The following HOMER2 variants were observed in gnomAD, a reference collection of about 807,000 sequenced individuals.
HOMER2 encodes homer scaffold protein 2, also known as homer protein homolog 2.
Under a neutral mutation model 47.0 loss-of-function variants are expected in HOMER2, and 27 were observed. The ratio of observed to expected loss-of-function variants is 0.57; its 90% CI spans 0.42 to 0.79. The LOEUF is 0.79. HOMER2 is among the 30% of genes least tolerant of loss of function. The pLI is 0.00. For synonymous variants in HOMER2, 161 were observed against 163.8 expected, an observed-to-expected ratio of 0.98 and a Z score of 0.13; for missense variants, 443 against 435.0, an observed-to-expected ratio of 1.02 and a Z score of -0.16.
exon 2 of HOMER2, chr15:82,839,882 G>A (rs2051158877): frequency 6.6e-6 from 1 of 152,072 alleles, no homozygotes; most frequent in Non-Finnish European, 1.5e-5. Context: ...CTAAAAATCA[G>A]GTCTCAAGAA....
At chr15:82,862,067 TCTC>T (rs1465299331) in intron 4 of HOMER2, among the ~76,000 whole-genome samples, 1 of 127,260 alleles carries the variant, frequency 7.9e-6, no homozygotes, top group Non-Finnish European at 1.7e-5. Flanking sequence ...AGTCTTTCTC[TCTC>T]TTTTTTTTTT....
intron 1 of HOMER2, among the ~76,000 whole-genome samples, chr15:82,898,913 A>C (rs1784586218): frequency 1.3e-5 from 2 of 152,240 alleles, no homozygotes; most frequent in South Asian, 4.1e-4. Flanking sequence ...CAAACCCTTC[A>C]GACATTATTT....
chr15:82,975,051 CAG>C (rs1352202033), intron 1 of HOMER2, among the ~76,000 whole-genome samples: 4 of 152,240 alleles, frequency 2.6e-5, no homozygotes, highest in Admixed American at 2.6e-4. Context: ...GCCTGGGCAA[CAG>C]AGAGACTGTC....
At chr15:82,979,605 T>C (rs1390643604) in intron 1 of HOMER2, among the ~76,000 whole-genome samples, 1 of 151,806 alleles carries the variant, frequency 6.6e-6, no homozygotes, top group African/African-American at 2.4e-5. Flanking sequence ...GAGGGTGACA[T>C]GAAGGAATGA....
chr15:82,925,571 C>A (rs1344040033), intron 1 of HOMER2, among the ~76,000 whole-genome samples: 4 of 152,158 alleles, frequency 2.6e-5, no homozygotes, highest in African/African-American at 9.7e-5. Context: ...CCACATTCAG[C>A]CCCCAGAACT....
intron 1 of HOMER2, among the ~76,000 whole-genome samples, chr15:82,940,755 T>C (rs373549257): frequency 2.0e-5 from 3 of 151,638 alleles, no homozygotes; most frequent in African/African-American, 4.8e-5. Flanking sequence ...TAGCTGTGTA[T>C]GGTGGCATGT....
chr15:82,928,135 C>G (rs2053902712), intron 1 of HOMER2, among the ~76,000 whole-genome samples: 1 of 152,178 alleles, frequency 6.6e-6, no homozygotes, highest in Admixed American at 6.6e-5. Context: ...CACTGCTGGC[C>G]TAAAGACCAG....
At chr15:82,861,124 G>A (rs1403324619) in intron 4 of HOMER2, among the ~76,000 whole-genome samples, 1 of 152,246 alleles carries the variant, frequency 6.6e-6, no homozygotes, top group African/African-American at 2.4e-5. Flanking sequence ...CACTGCAGGT[G>A]GGAGTTAGAA....
intron 1 of HOMER2, among the ~76,000 whole-genome samples, chr15:82,931,754 C>G (rs1027652998): frequency 2.0e-5 from 3 of 152,172 alleles, no homozygotes; most frequent in Admixed American, 2.0e-4. Context: ...AGGAGAATCG[C>G]TTGAACCCAA....
chr15:82,927,319 A>T (rs1412659213), intron 1 of HOMER2, among the ~76,000 whole-genome samples: 1 of 151,970 alleles, frequency 6.6e-6, no homozygotes, highest in Non-Finnish European at 1.5e-5. Context: ...TGTCTGGTTC[A>T]TGGATATCAT....
At chr15:82,984,959 G>GT (rs1296600150) in intron 1 of HOMER2, among the ~76,000 whole-genome samples, 1 of 152,174 alleles carries the variant, frequency 6.6e-6, no homozygotes, top group Non-Finnish European at 1.5e-5. Flanking sequence ...TTAGAAAGTG[G>GT]TAATAACTAA....
intron 1 of HOMER2, among the ~76,000 whole-genome samples, chr15:82,940,503 G>C (rs1006326702): frequency 6.6e-6 from 1 of 152,186 alleles, no homozygotes; most frequent in Non-Finnish European, 1.5e-5. Flanking sequence ...CAGCACTTTG[G>C]GAGGCCAAGG....
chr15:82,843,365 AC>A (rs1285752680), exon 2 of HOMER2: 1 of 138,432 alleles, frequency 7.2e-6, no homozygotes, highest in Non-Finnish European at 1.5e-5. Flanking sequence ...AATCGCTTGA[AC>A]CCGGGAGGCG....
exon 2 of HOMER2, chr15:82,841,685 T>C (rs1412194982): frequency 6.6e-6 from 1 of 152,268 alleles, no homozygotes; most frequent in East Asian, 1.9e-4. Flanking sequence ...CCCAGAACTA[T>C]TACCCAACTG....
At chr15:82,845,645 GAACA>G (rs2051233586), downstream of HOMER2, 1 of 152,264 alleles carries the variant, frequency 6.6e-6, no homozygotes, top group South Asian at 2.1e-4. Context: ...AGGATGAATG[GAACA>G]AACAATCCAC....
At chr15:82,846,678 C>G (rs552812566), downstream of HOMER2, 4 of 152,296 alleles carry the variant, frequency 2.6e-5, no homozygotes, top group Non-Finnish European at 5.9e-5. Flanking sequence ...GCCCTGTTCT[C>G]TCACCCAATT....
chr15:82,912,006 G>C (rs776393246), intron 1 of HOMER2, among the ~76,000 whole-genome samples: 2 of 151,986 alleles, frequency 1.3e-5, no homozygotes, highest in Admixed American at 6.5e-5. Context: ...CTCCAGCCTG[G>C]GCAACAGAGT....
intron 1 of HOMER2, among the ~76,000 whole-genome samples, chr15:82,934,964 T>G (rs1258993377): frequency 1.3e-5 from 2 of 152,134 alleles, no homozygotes; most frequent in Non-Finnish European, 2.9e-5. Flanking sequence ...GAGCCACAGA[T>G]GGGAACTCTG....
rs752876145 is a variant in HOMER2 at position 82,859,081 on chromosome 15, T to G, written c.442A>C (p.Asn148His). ...TCATTCTCAGACTTCAGGTGTGTGTTGGCTGGACCGGCGTGAGAGGCCTTT... is the reference window on the plus strand; with the variant it reads ...TCATTCTCAGACTTCAGGTGTGTGTGGGCTGGACCGGCGTGAGAGGCCTTT... ...DEKASHAGPA[N>H]THLKSENDKL... The change falls in exon 5 of 9, where the codon AAC becomes CAC. Residue 148 changes from asparagine to histidine, a missense_variant. Asn to His is a moderately conservative substitution (Grantham distance 68). Transcript: ENST00000450735. The G allele has an allele frequency of 6.2e-7, 1 of 1,613,888 alleles. No homozygotes were observed. Among genetic ancestry groups the G allele is most frequent in the East Asian group, 2.2e-5 (1 of 44,886 alleles).
Sources: gnomAD v4.1 joint callset for allele counts (sites outside exome capture counted in the v4.1 genomes callset) on GRCh38, gnomAD v4.1.1 for gene constraint, MANE v1.5 for transcripts, NCBI Gene and HGNC (gene_info 2026-07-23, HGNC 2026-07-21) for gene names.